Variants in FGF2 observed in about 807,000 individuals in gnomAD.
FGF2 encodes fibroblast growth factor 2, also known as basic fibroblast growth factor bFGF.
A neutral mutation model predicts 15.9 loss-of-function variants in FGF2; 13 were observed. The ratio of observed to expected loss-of-function variants is 0.82; its 90% CI spans 0.53 to 1.30. The LOEUF is 1.30. FGF2 is among the 50% of genes most tolerant of loss of function. FGF2 has a pLI of 0.00. For missense variants in FGF2, 163 were observed against 196.9 expected (o/e 0.83, Z 1.03); for synonymous variants, 90 against 78.4 (o/e 1.15, Z -0.78).
chr4:122,891,726 C>CCTT (rs45563235), intron 2 of FGF2, among the ~76,000 whole-genome samples: 32,393 of 151,990 alleles, frequency 0.21, 3,664 homozygotes, highest in East Asian at 0.45. Flanking sequence ...TAACAAACCT[C>CCTT]CTTCTGTATG....
intron 1 of FGF2, among the ~76,000 whole-genome samples, chr4:122,862,600 T>A (rs1008313136): frequency 2.0e-5 from 3 of 152,238 alleles, no homozygotes; most frequent in Non-Finnish European, 4.4e-5. Flanking sequence ...TTAGAAAGAT[T>A]GTGTCAATTC....
At chr4:122,861,632 TC>T (rs1381860478) in intron 1 of FGF2, among the ~76,000 whole-genome samples, 4 of 126,902 alleles carry the variant, frequency 3.2e-5, no homozygotes, top group Non-Finnish European at 5.3e-5. Flanking sequence ...CTGTCCTTTG[TC>T]CCCACTGTTT....
chr4:122,861,227 C>T (rs1726459937), intron 1 of FGF2, among the ~76,000 whole-genome samples: 1 of 152,218 alleles, frequency 6.6e-6, no homozygotes, highest in African/African-American at 2.4e-5. Context: ...AAGGCAGCCA[C>T]TGTTAGCTCT....
chr4:122,827,090 C>A lies in FGF2; in HGVS notation c.-85C>A, dbSNP rs1476585145. 12 of 1,183,830 alleles carry A rather than the reference C, an allele frequency of 1.0e-5. No homozygotes were observed. The South Asian group carries it at 4.2e-4, about 41-fold the overall frequency. 73.3% of individuals were successfully genotyped at this position (1,183,830 alleles called of 1,614,324 possible). Reference sequence around the variant, plus strand: ...GCCGGGGCCGTGCCCCGGAGCGGGTCGGAGGCCGGGGCCGGGGCCGGGGGA... The same window carrying A: ...GCCGGGGCCGTGCCCCGGAGCGGGTAGGAGGCCGGGGCCGGGGCCGGGGGA... On this transcript the variant is annotated 5_prime_UTR_variant, in exon 1 of 3. Transcript: ENST00000644866. This position sits in a 1 kb window ranked among gnomAD's most constrained non-coding sequence, Gnocchi z 4.2.
chr4:122,875,530 C>T (rs1358207117), intron 1 of FGF2, among the ~76,000 whole-genome samples: 1 of 151,648 alleles, frequency 6.6e-6, no homozygotes, highest in African/African-American at 2.4e-5. Flanking sequence ...GAAATAGGGC[C>T]GGGCGCGGTG....
chr4:122,890,446 T>A (rs998231547), intron 2 of FGF2, among the ~76,000 whole-genome samples: 5 of 152,210 alleles, frequency 3.3e-5, no homozygotes, highest in African/African-American at 4.8e-5. Flanking sequence ...TTTCAGTTTT[T>A]AAAAATCCAT....
intron 2 of FGF2, among the ~76,000 whole-genome samples, chr4:122,886,886 T>A (rs1156291774): frequency 6.6e-6 from 1 of 152,164 alleles, no homozygotes; most frequent in Non-Finnish European, 1.5e-5. Context: ...GAATGCTGGG[T>A]GTGCTTGTTG....
Position 122,826,929 on chromosome 4 carries a change from T to G in FGF2, c.-246T>G. ...CAGGCGGCGTCCGCGGAGACACCCA[T>G]CCGTGAACCCCAGGTCCCGGGCCGC... On this transcript the variant is annotated 5_prime_UTR_variant, in exon 1 of 3. Transcript: ENST00000644866. 1 of 1,483,452 alleles carries G rather than the reference T, an allele frequency of 6.7e-7. No individual in the cohort carries two copies. The allele number at this position is 1,483,452 out of a possible 1,614,324, so 91.9% of individuals were successfully genotyped here.
rs116080988 is a variant in FGF2, at chr4:122,864,021, A to G, written c.179-12300A>G. Among the ~76,000 whole-genome samples, 1,431 of 152,288 alleles carry G rather than the reference A, an allele frequency of 9.4e-3. 31 individuals carry two copies. The highest frequency in any genetic ancestry group is 0.032 in the African/African-American group (1,332 of 41,530). On this transcript the variant is annotated intron_variant, in intron 1 of 2. Coordinates refer to ENST00000644866, the MANE Select transcript of FGF2 (RefSeq NM_001361665.2). Reference sequence around the variant, plus strand: ...GAATAATCTTCTTTACTGGAAGTCAATTGATTATGGACTTTAATCACATTT... The same window carrying G: ...GAATAATCTTCTTTACTGGAAGTCAGTTGATTATGGACTTTAATCACATTT...
intron 1 of FGF2, among the ~76,000 whole-genome samples, chr4:122,840,175 C>A (rs543706089): frequency 6.6e-6 from 1 of 152,070 alleles, no homozygotes; most frequent in Non-Finnish European, 1.5e-5. Flanking sequence ...AACATGAGTT[C>A]GGGGAACACA....
chr4:122,844,829 G>T (rs114631852), intron 1 of FGF2, among the ~76,000 whole-genome samples: 6,501 of 151,992 alleles, frequency 0.043, 186 homozygotes, highest in Middle Eastern at 0.12. Context: ...TAGAGACAGG[G>T]TCTCACTATG....
intron 1 of FGF2, among the ~76,000 whole-genome samples, chr4:122,838,097 G>T (rs1365524333): frequency 6.6e-6 from 1 of 152,132 alleles, no homozygotes; most frequent in Non-Finnish European, 1.5e-5. Flanking sequence ...TAGACAGAAG[G>T]TGTTGGATTG....
intron 2 of FGF2, among the ~76,000 whole-genome samples, chr4:122,877,116 C>CT (rs113041646): frequency 0.14 from 19,376 of 142,660 alleles, 1,332 homozygotes; most frequent in Middle Eastern, 0.21. Context: ...TTTTTTTTTT[C>CT]TTTTTTTTTT....
intron 1 of FGF2, among the ~76,000 whole-genome samples, chr4:122,864,178 CT>C (rs1726526173): frequency 6.6e-6 from 1 of 151,896 alleles, no homozygotes; most frequent in South Asian, 2.1e-4. Flanking sequence ...CTCTGCTTTT[CT>C]TTTTCCTAAT....
Position 122,892,570 on chromosome 4 carries a change from A to G in FGF2, c.*174A>G, listed in dbSNP as rs1007087469. ...ATTGTCCCAGTAAAGAAAAATAACA[A>G]AAGTTGTAAAATGTATATTCTCCCT... On this transcript the variant is annotated 3_prime_UTR_variant, in exon 3 of 3. Coordinates refer to ENST00000644866, the MANE Select transcript of FGF2 (RefSeq NM_001361665.2). 2 of 1,450,176 alleles carry G rather than the reference A, an allele frequency of 1.4e-6. No homozygotes were observed. The highest frequency in any genetic ancestry group is 1.8e-6 in the Non-Finnish European group (2 of 1,107,144). 89.8% of individuals were successfully genotyped at this position (1,450,176 alleles called of 1,614,324 possible). A position where few individuals can be genotyped will look rare whatever the true frequency, so the allele number is the denominator to read the frequency against.
Position 122,876,401 on chromosome 4 carries a change from G to A in FGF2, c.259G>A (p.Glu87Lys). 10 of 1,609,776 alleles carry A rather than the reference G, an allele frequency of 6.2e-6. No homozygotes were observed. Among genetic ancestry groups the A allele is most frequent in the Middle Eastern group, 1.7e-4 (1 of 6,052 alleles). ...VCANRYLAMKEDGRLLASKCV... is the reference protein window; with the variant it reads ...VCANRYLAMKKDGRLLASKCV... ...TGCTAACCGTTACCTGGCTATGAAG[G>A]AAGATGGAAGATTACTGGCTTCTGT... The change falls in exon 2 of 3, where the codon GAA (glutamate) becomes AAA (lysine). Residue 87 changes from glutamate to lysine, a missense_variant. Coordinates refer to ENST00000644866, the MANE Select transcript of FGF2 (RefSeq NM_001361665.2).
chr4:122,830,961 C>A (rs1459479641), intron 1 of FGF2, among the ~76,000 whole-genome samples: 1 of 152,088 alleles, frequency 6.6e-6, no homozygotes, highest in Non-Finnish European at 1.5e-5. Flanking sequence ...GGCAGACCTG[C>A]CCACCCCAGT....
intron 1 of FGF2, among the ~76,000 whole-genome samples, chr4:122,849,671 T>C (rs1670512297): frequency 6.6e-6 from 1 of 152,164 alleles, no homozygotes; most frequent in Non-Finnish European, 1.5e-5. Context: ...GTAGATACAT[T>C]TTAAGGTATA....
chr4:122,866,894 C>T (rs762564135), intron 1 of FGF2, among the ~76,000 whole-genome samples: 3 of 152,206 alleles, frequency 2.0e-5, no homozygotes, highest in Non-Finnish European at 4.4e-5. Context: ...TTCATAGCAA[C>T]GTTATTTACG....
Sources: allele counts gnomAD v4.1 joint callset (sites outside exome capture counted in the v4.1 genomes callset), GRCh38; gene constraint gnomAD v4.1.1; non-coding constraint Gnocchi (gnomAD v3.1); transcripts MANE v1.5; gene names NCBI Gene and HGNC (gene_info 2026-07-23, HGNC 2026-07-21).